ZNF385D: variants seen among roughly 807,000 people sequenced by gnomAD.
The protein encoded by ZNF385D is zinc finger protein 385D.
ZNF385D carries 15 observed loss-of-function variants against 35.8 expected under a neutral mutation model. The ratio of observed to expected loss-of-function variants is 0.42; its 90% CI spans 0.28 to 0.64. ZNF385D has a LOEUF of 0.64. Among genes scored for constraint, ZNF385D ranks in the 30% least tolerant of loss-of-function variants. The pLI, the probability that ZNF385D is intolerant of heterozygous loss-of-function variation, is 0.23. For missense variants in ZNF385D, 474 were observed against 494.6 expected (o/e 0.96, Z 0.39); for synonymous variants, 212 against 186.8 (o/e 1.13, Z -1.10).
chr3:22,172,192 G>T (rs1412821460), intron 2 of ZNF385D, among the ~76,000 whole-genome samples: 1 of 152,140 alleles, frequency 6.6e-6, no homozygotes, highest in Non-Finnish European at 1.5e-5. Context: ...GCTTAATACA[G>T]TAATGTAGGT....
intron 3 of ZNF385D, among the ~76,000 whole-genome samples, chr3:21,773,761 CAAAAAA>C: frequency 6.8e-6 from 1 of 146,972 alleles, no homozygotes; most frequent in Admixed American, 6.8e-5. Context: ...ATTAAAAAGT[CAAAAAA>C]AAAACAACTG....
chr3:22,339,965 TTC>T (rs1260082145), intron 2 of ZNF385D, among the ~76,000 whole-genome samples: 2 of 152,204 alleles, frequency 1.3e-5, no homozygotes, highest in Non-Finnish European at 2.9e-5. Flanking sequence ...ATTTCCCACT[TTC>T]TGTGACCATT....
chr3:21,936,641 A>G (rs757955859), intron 3 of ZNF385D, among the ~76,000 whole-genome samples: 3 of 152,122 alleles, frequency 2.0e-5, no homozygotes, highest in Non-Finnish European at 4.4e-5. Context: ...GTGAAGACAT[A>G]AACTTCATCT....
upstream of ZNF385D, among the ~76,000 whole-genome samples, chr3:21,752,012 C>CG (rs2070121878): frequency 2.1e-5 from 2 of 93,908 alleles, no homozygotes; most frequent in Admixed American, 1.0e-4. Context: ...CACCCACCCC[C>CG]CTCCCCCCCC....
chr3:22,304,046 G>T (rs564144487), intron 2 of ZNF385D, among the ~76,000 whole-genome samples: 8 of 152,266 alleles, frequency 5.3e-5, no homozygotes, highest in East Asian at 3.9e-4. Context: ...CCAGTGTTGG[G>T]ATTACAGGCG....
At chr3:21,558,340 T>TTCCGTC (rs2062816033) in intron 3 of ZNF385D, among the ~76,000 whole-genome samples, 1 of 151,864 alleles carries the variant, frequency 6.6e-6, no homozygotes, top group South Asian at 2.1e-4. Context: ...GTCCCAGAGA[T>TTCCGTC]TCTGGTACAT....
intron 2 of ZNF385D, among the ~76,000 whole-genome samples, chr3:22,295,396 C>T (rs184094910): frequency 4.1e-4 from 62 of 152,224 alleles, no homozygotes; most frequent in African/African-American, 1.4e-3. Flanking sequence ...CCTCACATGC[C>T]TCCAAAGGCT....
chr3:22,292,121 T>C (rs1702330736), intron 2 of ZNF385D, among the ~76,000 whole-genome samples: 1 of 152,038 alleles, frequency 6.6e-6, no homozygotes, highest in African/African-American at 2.4e-5. Flanking sequence ...AATTGAATAA[T>C]TCTTTATTAT....
At chr3:22,132,886 CCCAA>C (rs1489131734) in intron 3 of ZNF385D, among the ~76,000 whole-genome samples, 3 of 151,956 alleles carry the variant, frequency 2.0e-5, no homozygotes, top group Admixed American at 6.6e-5. Context: ...AAGAGATTAA[CCCAA>C]CCAAGTTATT....
rs1174096360 is a variant in ZNF385D at position 21,984,159 on chromosome 3, C to T, written c.325+184658G>A. Among the ~76,000 whole-genome samples, 85 of 134,846 alleles carry T rather than the reference C, an allele frequency of 6.3e-4. 2 individuals carry two copies. The highest frequency in any genetic ancestry group is 2.8e-3 in the African/African-American group (79 of 27,934). The allele number at this position is 134,846 out of a possible 152,430, so 88.5% of individuals were successfully genotyped here. A position where few individuals can be genotyped will look rare whatever the true frequency, so the allele number is the denominator to read the frequency against. Reference sequence around the variant, plus strand: ...TAGTTTCTTTTGCTGTGCAGAAGCTCTTTAGTTTAATTAGATCCCATTTGT... The same window carrying T: ...TAGTTTCTTTTGCTGTGCAGAAGCTTTTTAGTTTAATTAGATCCCATTTGT... On this transcript the variant is annotated intron_variant, in intron 3 of 5. Transcript: ENST00000494108.
chr3:21,630,681 G>C (rs183976882), intron 2 of ZNF385D, among the ~76,000 whole-genome samples: 1 of 152,060 alleles, frequency 6.6e-6, no homozygotes, highest in African/African-American at 2.4e-5. Context: ...ATCAGAGTTT[G>C]GATGTTATGA....
chr3:21,552,532 A>G (rs2062603964), intron 3 of ZNF385D, among the ~76,000 whole-genome samples: 1 of 152,206 alleles, frequency 6.6e-6, no homozygotes, highest in African/African-American at 2.4e-5. Context: ...GTCATTTATA[A>G]AAACATTAGA....
intron 2 of ZNF385D, among the ~76,000 whole-genome samples, chr3:21,662,797 CTT>C (rs1431702855): frequency 6.6e-6 from 1 of 152,172 alleles, no homozygotes; most frequent in African/African-American, 2.4e-5. Flanking sequence ...TCAAGTCAAA[CTT>C]TTGCAATCAG....
At chr3:21,656,398 G>A (rs1010804054) in intron 2 of ZNF385D, among the ~76,000 whole-genome samples, 2 of 151,928 alleles carry the variant, frequency 1.3e-5, no homozygotes, top group South Asian at 4.1e-4. Flanking sequence ...GTTAGGGAAG[G>A]ATCTGTTCCA....
chr3:21,734,171 C>A (rs2069138065), intron 1 of ZNF385D, among the ~76,000 whole-genome samples: 1 of 151,988 alleles, frequency 6.6e-6, no homozygotes, highest in Admixed American at 6.6e-5. Context: ...AGAGAGCCAA[C>A]AATCTTGTGA....
chr3:22,248,777 T>C (rs1433084860), intron 2 of ZNF385D, among the ~76,000 whole-genome samples: 1 of 152,126 alleles, frequency 6.6e-6, no homozygotes, highest in African/African-American at 2.4e-5. Flanking sequence ...CTTTGTGTAG[T>C]TGTGTCGCCT....
chr3:21,791,699 T>C (rs1428412880), intron 3 of ZNF385D, among the ~76,000 whole-genome samples: 1 of 152,186 alleles, frequency 6.6e-6, no homozygotes, highest in East Asian at 1.9e-4. Flanking sequence ...TAAGTAATAG[T>C]TACTCACAGT....
chr3:22,258,518 G>C (rs977876872), intron 2 of ZNF385D, among the ~76,000 whole-genome samples: 2 of 151,634 alleles, frequency 1.3e-5, no homozygotes, highest in African/African-American at 4.8e-5. Flanking sequence ...TTTAAAGAAT[G>C]ACTAAAAAAA....
chr3:22,171,158 T>C (rs1576440229), intron 2 of ZNF385D, among the ~76,000 whole-genome samples: 1 of 152,304 alleles, frequency 6.6e-6, no homozygotes, highest in Middle Eastern at 3.4e-3. Flanking sequence ...CCAAAGAACT[T>C]ATTTCCTCCA....
Sources: allele counts gnomAD v4.1 joint callset (sites outside exome capture counted in the v4.1 genomes callset), GRCh38; gene constraint gnomAD v4.1.1; transcripts MANE v1.5; gene names NCBI Gene and HGNC (gene_info 2026-07-23, HGNC 2026-07-21).